PINX1: variants seen among roughly 807,000 people sequenced by gnomAD.
The protein encoded by PINX1 is PIN2 (TERF1) interacting telomerase inhibitor 1, also known as PIN2/TERF1-interacting telomerase inhibitor 1.
PINX1 carries 34 observed loss-of-function variants against 25.4 expected under a neutral mutation model. The observed-to-expected ratio is 1.34, with a 90% confidence interval of 1.02 to 1.78. The LOEUF is 1.78. Ranked by LOEUF, PINX1 falls within the 40% of genes most tolerant of loss-of-function variation. The pLI, the probability that PINX1 is intolerant of heterozygous loss-of-function variation, is 0.00. For missense variants in PINX1, 592 were observed against 404.9 expected (o/e 1.46, Z -3.97); for synonymous variants, 197 against 147.7 (o/e 1.33, Z -2.42).
At chr8:10,838,660 C>G (rs867527214) in intron 1 of PINX1, among the ~76,000 whole-genome samples, 1 of 152,230 alleles carries the variant, frequency 6.6e-6, no homozygotes, top group Non-Finnish European at 1.5e-5. Flanking sequence ...GGCTCTAACC[C>G]TGACTCCTCA....
At chr8:10,818,173 GAAGA>G (rs1260376886) in intron 6 of PINX1, among the ~76,000 whole-genome samples, 1 of 152,162 alleles carries the variant, frequency 6.6e-6, no homozygotes, top group Non-Finnish European at 1.5e-5. Flanking sequence ...CACTGAACTG[GAAGA>G]GAGAGAGAGA....
intron 6 of PINX1, among the ~76,000 whole-genome samples, chr8:10,789,203 G>C (rs1240875157): frequency 6.6e-6 from 1 of 152,220 alleles, no homozygotes; most frequent in African/African-American, 2.4e-5. Flanking sequence ...TGTAACTACA[G>C]TGTAACTGAG....
chr8:10,831,700 G>T lies in PINX1; in HGVS notation c.266C>A (p.Ala89Asp). Residue 89 changes from alanine (A) to aspartate (D), a missense_variant, in exon 4 of 7, where the codon GCC becomes GAC. Physicochemically the swap from Ala to Asp is moderately radical, Grantham distance 126. Coordinates refer to ENST00000314787, the MANE Select transcript of PINX1 (RefSeq NM_017884.6). ...CTGCCCATGGCAAGTGTTCAGTTCG[G>T]CCAGAAGCTGGTTAAAATCATCCTG... ...AHQDDFNQLL[A>D]ELNTCHGQET... is the part of the protein sequence containing the mutation. The T allele has an allele frequency of 2.5e-6, 4 of 1,604,254 alleles. No homozygotes were observed. Among genetic ancestry groups the T allele is most frequent in the Non-Finnish European group, 2.6e-6 (3 of 1,174,376 alleles).
chr8:10,785,154 C>T (rs985753396), intron 6 of PINX1, among the ~76,000 whole-genome samples: 1 of 152,164 alleles, frequency 6.6e-6, no homozygotes, highest in Non-Finnish European at 1.5e-5. Context: ...CTGGTTGTTA[C>T]AAAGTAGTTC....
intron 2 of PINX1, chr8:10,833,458 G>A (rs1381219642): frequency 6.4e-6 from 1 of 155,908 alleles, no homozygotes; most frequent in Non-Finnish European, 1.4e-5. Context: ...AGAAAAAGGA[G>A]GGAGGAAGGG....
At chr8:10,798,143 C>T (rs537732431) in intron 6 of PINX1, among the ~76,000 whole-genome samples, 46 of 152,356 alleles carry the variant, frequency 3.0e-4, no homozygotes, top group African/African-American at 9.1e-4. Context: ...CACGGGTAGG[C>T]TGCCTTTGAA....
At position 10,832,901 on chromosome 8, in the gene PINX1, G is replaced by A. The variant is rs748218613; in HGVS notation, c.213C>T (p.Ile71=). ...ACACACTGCTGCTCACTTCATTATT[G>A]ATGGTAGCTCCGAGTCCCAGGTGGT... ...KNNHLGLGAT[I]NNEDNWIAHQ... is the part of the protein sequence containing the mutation. The change falls in exon 3 of 7, where the codon ATC becomes ATT. Residue 71 remains isoleucine (I), a synonymous_variant. Transcript: ENST00000314787. 1 of 1,604,308 alleles carries A rather than the reference G, an allele frequency of 6.2e-7. No homozygotes were observed. Among genetic ancestry groups the A allele is most frequent in the East Asian group, 2.2e-5 (1 of 44,828 alleles).
intron 6 of PINX1, among the ~76,000 whole-genome samples, chr8:10,766,424 C>A (rs1257849736): frequency 6.6e-6 from 1 of 152,186 alleles, no homozygotes; most frequent in Non-Finnish European, 1.5e-5. Context: ...TCCATGAGGA[C>A]AGGAGCCGCA....
chr8:10,765,222 T>C lies in PINX1; in HGVS notation c.*179A>G. The C allele has an allele frequency of 3.4e-6, 2 of 581,098 alleles. No homozygotes were observed. Among genetic ancestry groups the C allele is most frequent in the East Asian group, 2.9e-5 (1 of 34,702 alleles). The allele number at this position is 581,098 out of a possible 1,614,324, so 36.0% of individuals were successfully genotyped here. A position where few individuals can be genotyped will look rare whatever the true frequency, so the allele number is the denominator to read the frequency against. The stretch of plus-strand genomic sequence containing the variant: ...ACGATTGAGAACATTAAAAAGGTCC[T>C]CCTGGGAATGTAACTTGGGGGAAAT... On this transcript the variant is annotated 3_prime_UTR_variant, in exon 7 of 7. Coordinates refer to ENST00000314787, the MANE Select transcript of PINX1 (RefSeq NM_017884.6).
intron 6 of PINX1, among the ~76,000 whole-genome samples, chr8:10,789,811 G>A (rs1233672634): frequency 6.6e-6 from 1 of 152,050 alleles, no homozygotes; most frequent in African/African-American, 2.4e-5. Context: ...CACGTGCCCA[G>A]CTTTTCACTG....
chr8:10,833,795 G>C (rs1445490863), intron 2 of PINX1: 2 of 162,464 alleles, frequency 1.2e-5, no homozygotes, highest in Non-Finnish European at 2.7e-5. Context: ...CGGGAGGCAA[G>C]AGGGCGGAGG....
At chr8:10,825,331 A>T (rs1433493986) in intron 5 of PINX1, 1 of 534,626 alleles carries the variant, frequency 1.9e-6, no homozygotes, top group African/African-American at 1.9e-5. Context: ...GTAGAAACAC[A>T]TCCAACCTCC....
Position 10,834,646 on chromosome 8 carries a change from T to G in PINX1, c.129+20A>C. The G allele has an allele frequency of 6.2e-7, 1 of 1,610,646 alleles. No individual in the cohort carries two copies. The highest frequency in any genetic ancestry group is 2.2e-5 in the East Asian group (1 of 44,850). ...TCTCTTTTCATAGCTCAGATTTTTT[T>G]CCGCTTTTCTCCAAAATACCTTTCC... On this transcript the variant is annotated intron_variant, in intron 2 of 6. Transcript: ENST00000314787.
Position 10,829,930 on chromosome 8 carries a change from C to A in PINX1, c.301+1735G>T, listed in dbSNP as rs1000781456. On this transcript the variant is annotated intron_variant, in intron 4 of 6. Transcript: ENST00000314787. ...AACTCCCGACCTCAGGTGATCCGCCCGCCTCAGCCTCCCAAAGTGCTGGTA... is the reference window on the plus strand; with the variant it reads ...AACTCCCGACCTCAGGTGATCCGCCAGCCTCAGCCTCCCAAAGTGCTGGTA... Among the ~76,000 whole-genome samples, 3 of 152,122 alleles carry A rather than the reference C, an allele frequency of 2.0e-5. No individual in the cohort carries two copies. The East Asian group carries it at 5.8e-4, about 29-fold the overall frequency.
At chr8:10,809,293 A>G (rs1802551335) in intron 6 of PINX1, among the ~76,000 whole-genome samples, 1 of 152,250 alleles carries the variant, frequency 6.6e-6, no homozygotes, top group Non-Finnish European at 1.5e-5. Flanking sequence ...AAGAGAAAGA[A>G]CAAATAAAAG....
In PINX1 at chr8:10,820,894, A is replaced by G. The variant is rs570992539; in HGVS notation, c.395-625T>C. Among the ~76,000 whole-genome samples the G allele has an allele frequency of 1.1e-4, 16 of 152,352 alleles. No individual in the cohort carries two copies. The South Asian group carries it at 3.3e-3, about 32-fold the overall frequency. On this transcript the variant is annotated intron_variant, in intron 5 of 6. Transcript: ENST00000314787. The stretch of plus-strand genomic sequence containing the variant: ...TGCTCTAGCTATATTGTCTCTAAAT[A>G]AAAAGCTACATAGGGAGAGTAGGAA...
At chr8:10,795,336 G>T (rs1586161924) in intron 6 of PINX1, among the ~76,000 whole-genome samples, 1 of 152,158 alleles carries the variant, frequency 6.6e-6, no homozygotes, top group South Asian at 2.1e-4. Flanking sequence ...GAAGCAGAAA[G>T]GGTCCTTTCT....
chr8:10,834,733 G>A lies in PINX1; in HGVS notation c.62C>T (p.Ala21Val). The A allele has an allele frequency of 6.2e-7, 1 of 1,613,734 alleles. No individual in the cohort carries two copies. Among genetic ancestry groups the A allele is most frequent in the Non-Finnish European group, 8.5e-7 (1 of 1,179,794 alleles). The change falls in exon 2 of 7, where the codon GCC (alanine) becomes GTC (valine). Residue 21 changes from alanine (A) to valine (V), a missense_variant. Transcript: ENST00000314787. ...QKWAVDPQNTAWSNDDSKFGQ... is the reference protein window; with the variant it reads ...QKWAVDPQNTVWSNDDSKFGQ... ...AAACTTGGAATCGTCATTACTCCAG[G>A]CAGTGTTCTGAGGATCCACAGCCCA...
intron 6 of PINX1, among the ~76,000 whole-genome samples, chr8:10,780,323 C>T (rs907944776): frequency 6.6e-6 from 1 of 152,124 alleles, no homozygotes; most frequent in African/African-American, 2.4e-5. Flanking sequence ...TCACACTTCC[C>T]CCCATCAGTT....
Sources: gnomAD v4.1 joint callset for allele counts (sites outside exome capture counted in the v4.1 genomes callset) on GRCh38, gnomAD v4.1.1 for gene constraint, MANE v1.5 for transcripts, NCBI Gene and HGNC (gene_info 2026-07-23, HGNC 2026-07-21) for gene names.